ACAA2: variants seen among roughly 807,000 people sequenced by gnomAD.
The protein encoded by ACAA2 is acetyl-CoA acyltransferase 2.
ACAA2 carries 35 observed loss-of-function variants against 44.8 expected under a neutral mutation model. That is an observed-to-expected ratio of 0.78 (90% CI 0.60 to 1.04). The LOEUF (loss-of-function observed/expected upper bound fraction) is 1.04, where lower values mean the gene tolerates loss of function less well. ACAA2 is among the 50% of genes least tolerant of loss of function. The pLI is 0.00. For missense variants in ACAA2, 468 were observed against 482.6 expected, an observed-to-expected ratio of 0.97 and a Z score of 0.28; for synonymous variants, 142 against 166.5, an observed-to-expected ratio of 0.85 and a Z score of 1.13.
intron 7 of ACAA2, among the ~76,000 whole-genome samples, chr18:49,789,267 T>TGTAA (rs557622727): frequency 1.0e-3 from 153 of 152,350 alleles, no homozygotes; most frequent in African/African-American, 3.5e-3. Flanking sequence ...CCACTATTCT[T>TGTAA]GTAAGTTAGA....
In ACAA2 at chr18:49,797,471, A is replaced by T; in HGVS notation, c.307T>A (p.Cys103Ser). ...TAAAAAAATGTTGTCCATACCTGACATCCATTCACAATGGACTGAAAACCA... is the reference window on the plus strand; with the variant it reads ...TAAAAAAATGTTGTCCATACCTGACTTCCATTCACAATGGACTGAAAACCA... ...GSGFQSIVNGCQEICVKEAEV... is the reference protein window; with the variant it reads ...GSGFQSIVNGSQEICVKEAEV... Residue 103 changes from cysteine (C) to serine (S), a missense_variant, in exon 3 of 10, where the codon TGT becomes AGT. Physicochemically the swap from Cys to Ser is moderately radical, Grantham distance 112. Coordinates refer to ENST00000285093, the MANE Select transcript of ACAA2 (RefSeq NM_006111.3). The T allele has an allele frequency of 6.2e-7, 1 of 1,606,878 alleles. No individual in the cohort carries two copies. Among genetic ancestry groups the T allele is most frequent in the Non-Finnish European group, 8.5e-7 (1 of 1,178,374 alleles).
rs545103785 is a variant in ACAA2 at position 49,808,351 on chromosome 18, T to C, written c.16+5118A>G. ...TGTATGATACAGCAATCAGGTTCCT[T>C]GTATTTACCTAAATGATTTGAAAAC... On this transcript the variant is annotated intron_variant, in intron 1 of 9. Transcript: ENST00000285093. Among the ~76,000 whole-genome samples the C allele has an allele frequency of 2.6e-5, 4 of 152,330 alleles. No individual in the cohort carries two copies. The East Asian group carries it at 7.7e-4, about 29-fold the overall frequency.
At chr18:49,800,538 TTTG>T (rs1413127980) in intron 2 of ACAA2, among the ~76,000 whole-genome samples, 1 of 152,148 alleles carries the variant, frequency 6.6e-6, no homozygotes, top group African/African-American at 2.4e-5. Flanking sequence ...GACTTTTCAT[TTTG>T]TTTTGTACTA....
chr18:49,785,128 G>A, intron 9 of ACAA2, 69 bp downstream of exon 9: 1 of 1,553,366 alleles, frequency 6.4e-7, no homozygotes, highest in Non-Finnish European at 8.7e-7. Context: ...GAGTGTTCTG[G>A]GGAAGCCTAA....
rs149101892 is a variant in ACAA2, at chr18:49,792,784, A to G, written c.578-457T>C. Reference sequence around the variant, plus strand: ...TTTACTTACACAACTTACCTTCCGTATTGGAGGATTTACGATACCATCATG... The same window carrying G: ...TTTACTTACACAACTTACCTTCCGTGTTGGAGGATTTACGATACCATCATG... On this transcript the variant is annotated intron_variant, in intron 5 of 9. Coordinates refer to ENST00000285093, the MANE Select transcript of ACAA2 (RefSeq NM_006111.3). Among the ~76,000 whole-genome samples, 10 of 152,194 alleles carry G rather than the reference A, an allele frequency of 6.6e-5. No individual in the cohort carries two copies. The East Asian group carries it at 1.7e-3, about 27-fold the overall frequency.
intron 2 of ACAA2, among the ~76,000 whole-genome samples, chr18:49,801,810 A>ATATATATATATCTC (rs1163274955): frequency 3.4e-5 from 5 of 144,988 alleles, no homozygotes; most frequent in African/African-American, 1.3e-4. Flanking sequence ...ATATATATAT[A>ATATATATATATCTC]TATATCTTAT....
Position 49,807,983 on chromosome 18 carries a change from A to T in ACAA2, c.17-5130T>A, listed in dbSNP as rs750785807. 4.5e-5 allele frequency among the ~76,000 whole-genome samples: 6 copies of T among 133,002 alleles called. 1 individual carries two copies. The highest frequency in any genetic ancestry group is 7.4e-5 in the Admixed American group (1 of 13,490). 87.3% of individuals were successfully genotyped at this position (133,002 alleles called of 152,430 possible). A position where few individuals can be genotyped will look rare whatever the true frequency, so the allele number is the denominator to read the frequency against. ...AAAGTGTTCTTACAGCTCAGCAATT[A>T]AAAAAAAAAAAAAAAACCCATGCAA... On this transcript the variant is annotated intron_variant, in intron 1 of 9. Transcript: ENST00000285093.
At chr18:49,787,587 G>A (rs762628624) in intron 7 of ACAA2, among the ~76,000 whole-genome samples, 5 of 151,936 alleles carry the variant, frequency 3.3e-5, no homozygotes, top group Non-Finnish European at 5.9e-5. Context: ...TACTTTGGGA[G>A]GCTGAAGTGG....
In ACAA2 at chr18:49,782,980, TAGAAC is replaced by T. The variant is rs1476962705; in HGVS notation, c.*862_*866del. On this transcript the variant is annotated 3_prime_UTR_variant, in exon 10 of 10. Coordinates refer to ENST00000285093, the MANE Select transcript of ACAA2 (RefSeq NM_006111.3). The stretch of plus-strand genomic sequence containing the variant: ...CCTTGCCCTACTAGATATCCAGTCT[TAGAAC>T]AGACAAATAAAGCAATGGAAGTGTT... 1.3e-5 allele frequency: 2 copies of T among 152,154 alleles called. No homozygotes were observed. The highest frequency in any genetic ancestry group is 4.8e-5 in the African/African-American group (2 of 41,434). 9.4% of individuals were successfully genotyped at this position (152,154 alleles called of 1,614,324 possible).
At chr18:49,786,916 G>A (rs2023336958) in intron 8 of ACAA2, among the ~76,000 whole-genome samples, 1 of 151,988 alleles carries the variant, frequency 6.6e-6, no homozygotes, top group African/African-American at 2.4e-5. Flanking sequence ...TGTAGATTTG[G>A]CACTAAATAT....
intron 2 of ACAA2, among the ~76,000 whole-genome samples, chr18:49,798,026 C>CT (rs1299689609): frequency 6.6e-6 from 1 of 152,158 alleles, no homozygotes; most frequent in Admixed American, 6.5e-5. Flanking sequence ...ATGGAATACG[C>CT]TATCCTAAAG....
intron 2 of ACAA2, among the ~76,000 whole-genome samples, chr18:49,800,272 T>TG (rs1161919636): frequency 1.7e-3 from 212 of 126,012 alleles, no homozygotes; most frequent in African/African-American, 6.1e-3. Flanking sequence ...GGGAGGGAGG[T>TG]GGGGGGGTCA....
Position 49,787,273 on chromosome 18 carries a change from A to AAAAAAC in ACAA2, c.954+17_954+18insGTTTTT, listed in dbSNP as rs1555789761. The AAAAAAC allele has an allele frequency of 3.4e-6, 4 of 1,166,872 alleles. No individual in the cohort carries two copies. Among genetic ancestry groups the AAAAAAC allele is most frequent in the Non-Finnish European group, 4.5e-6 (4 of 881,308 alleles). The allele number at this position is 1,166,872 out of a possible 1,614,324, so 72.3% of individuals were successfully genotyped here. A position where few individuals can be genotyped will look rare whatever the true frequency, so the allele number is the denominator to read the frequency against. ...TATTCATGTTGTTAAAAAAAAAAAA[A>AAAAAAC]AAAAAAAAAACACTTACCTCTACCA... On this transcript the variant is annotated intron_variant, in intron 8 of 9. Transcript: ENST00000285093.
In ACAA2 at chr18:49,795,803, T is replaced by C. The variant is rs1459130752; in HGVS notation, c.391A>G (p.Asn131Asp). Residue 131 changes from asparagine to aspartate, a missense_variant, in exon 4 of 10, where the codon AAT becomes GAT. Coordinates refer to ENST00000285093, the MANE Select transcript of ACAA2 (RefSeq NM_006111.3). ...CCAAGCTTGGTTCCAAAACGCACAT[T>C]TCTGACACAGTAGGGAGCTTGGCTC... Reference protein sequence around the residue: ...SMSQAPYCVRNVRFGTKLGSD... With the variant: ...SMSQAPYCVRDVRFGTKLGSD... The C allele has an allele frequency of 6.2e-7, 1 of 1,611,040 alleles. No homozygotes were observed. The highest frequency in any genetic ancestry group is 1.1e-5 in the South Asian group (1 of 90,388).
intron 2 of ACAA2, among the ~76,000 whole-genome samples, chr18:49,801,046 A>C (rs944606718): frequency 2.0e-5 from 3 of 152,226 alleles, no homozygotes; most frequent in African/African-American, 7.2e-5. Context: ...GGGAAGAAAA[A>C]GAAATAAAAA....
At chr18:49,787,636 C>CCAT (rs2023349242) in intron 7 of ACAA2, among the ~76,000 whole-genome samples, 1 of 151,622 alleles carries the variant, frequency 6.6e-6, no homozygotes, top group African/African-American at 2.4e-5. Context: ...CAGCAAGACC[C>CCAT]CATCTCTAAA....
chr18:49,787,427 A>G, intron 7 of ACAA2, 66 bp from the exon 8 acceptor site: 1 of 1,148,916 alleles, frequency 8.7e-7, no homozygotes, highest in Non-Finnish European at 1.2e-6. Flanking sequence ...TTACGTATCA[A>G]GCTTCTCCTT....
At chr18:49,796,690 T>C (rs2023468613) in intron 3 of ACAA2, among the ~76,000 whole-genome samples, 1 of 151,986 alleles carries the variant, frequency 6.6e-6, no homozygotes, top group African/African-American at 2.4e-5. Flanking sequence ...TTCCTTATCC[T>C]CTCCTAAATT....
intron 5 of ACAA2, among the ~76,000 whole-genome samples, chr18:49,793,219 C>T (rs1315067939): frequency 2.0e-5 from 3 of 152,224 alleles, no homozygotes; most frequent in East Asian, 1.9e-4. Flanking sequence ...ATCTTACCTA[C>T]TTTGACCTCC....
Sources: gnomAD v4.1 joint callset for allele counts (sites outside exome capture counted in the v4.1 genomes callset) on GRCh38, gnomAD v4.1.1 for gene constraint, MANE v1.5 for transcripts, NCBI Gene and HGNC (gene_info 2026-07-23, HGNC 2026-07-21) for gene names.